Variants in DMBT1 observed in about 807,000 individuals in gnomAD.
DMBT1 encodes the protein deleted in malignant brain tumors 1.
A neutral mutation model predicts 252.9 loss-of-function variants in DMBT1; 198 were observed. That is an observed-to-expected ratio of 0.78 (90% CI 0.70 to 0.88). The LOEUF is 0.88. Ranked by LOEUF, DMBT1 falls within the 40% of genes least tolerant of loss-of-function variation. The probability of loss-of-function intolerance (pLI) is 0.00; values close to 1 mark genes in which losing one functional copy is unlikely to be tolerated. For missense variants in DMBT1, 2,432 were observed against 2,404.7 expected (o/e 1.01, Z -0.24); for synonymous variants, 990 against 942.7 (o/e 1.05, Z -0.92).
chr10:122,567,638 C>T (rs1034120607), intron 2 of DMBT1, among the ~76,000 whole-genome samples: 1 of 152,154 alleles, frequency 6.6e-6, no homozygotes, highest in Non-Finnish European at 1.5e-5. Context: ...GTGGGCTGCA[C>T]CCCTCAGGAC....
chr10:122,573,669 A>C (rs1377095073), intron 5 of DMBT1, 46 bp from the exon 6 acceptor site: 3 of 1,608,270 alleles, frequency 1.9e-6, no homozygotes, highest in Non-Finnish European at 1.7e-6. Context: ...AACCCTCCCC[A>C]AGCGAGGGCT....
chr10:122,618,139 G>A lies in DMBT1; in HGVS notation c.5014G>A (p.Ala1672Thr), dbSNP rs746236693. ...TGATGACTACTGGGACACCAATGAT[G>A]CCAACGTGGTCTGCAGGCAGCTGGG... ...VCDDYWDTND[A>T]NVVCRQLGCG... The change falls in exon 41 of 56, where the codon GCC (alanine) becomes ACC (threonine). Residue 1672 changes from alanine (A) to threonine (T), a missense_variant. Ala to Thr is a moderately conservative substitution (Grantham distance 58). Coordinates refer to ENST00000338354, the MANE Select transcript of DMBT1 (RefSeq NM_001377530.1). 3.1e-6 allele frequency: 5 copies of A among 1,613,842 alleles called. No homozygotes were observed. The African/African-American group carries it at 4.0e-5, about 13-fold the overall frequency.
At chr10:122,633,468 G>C in intron 52 of DMBT1, 127 bp downstream of exon 52, 1 of 1,464,250 alleles carries the variant, frequency 6.8e-7, no homozygotes, top group Middle Eastern at 2.4e-4. Context: ...GGAATAAATG[G>C]TGCTTAGAAA....
At chr10:122,593,753 A>C (rs1225986319) in intron 21 of DMBT1, among the ~76,000 whole-genome samples, 155 bp downstream of exon 21, 2 of 148,220 alleles carry the variant, frequency 1.3e-5, no homozygotes, top group African/African-American at 4.9e-5. Flanking sequence ...ACCCCAGCAC[A>C]GCGCTTTTTA....
intron 44 of DMBT1, among the ~76,000 whole-genome samples, chr10:122,625,003 G>A (rs2098106710): frequency 6.6e-6 from 1 of 152,182 alleles, no homozygotes; most frequent in South Asian, 2.1e-4. Context: ...AAATGTTGTT[G>A]GCGTCTTTGA....
intron 1 of DMBT1, among the ~76,000 whole-genome samples, chr10:122,564,692 A>G (rs1351305840): frequency 6.6e-6 from 1 of 152,084 alleles, no homozygotes; most frequent in African/African-American, 2.4e-5. Context: ...TCATGTGATG[A>G]AATCCCTATC....
intron 46 of DMBT1, among the ~76,000 whole-genome samples, chr10:122,628,119 G>A (rs940039789): frequency 6.6e-6 from 1 of 152,168 alleles, no homozygotes; most frequent in Non-Finnish European, 1.5e-5. Context: ...GTGGCTCCTC[G>A]AAAGGTTAGA....
chr10:122,598,070 T>C (rs1222687605), intron 25 of DMBT1, 58 bp downstream of exon 25: 21 of 1,611,282 alleles, frequency 1.3e-5, no homozygotes, highest in Non-Finnish European at 1.8e-5. Context: ...ACAAATGTTT[T>C]TTCTGAAAAT....
chr10:122,578,652 C>T, intron 8 of DMBT1, 66 bp from the exon 9 acceptor site: 1 of 1,400,416 alleles, frequency 7.1e-7, no homozygotes, highest in Non-Finnish European at 9.9e-7. Flanking sequence ...GTCCAGAGAA[C>T]CGCTTGTTTT....
rs374931158 is a variant in DMBT1 at position 122,618,211 on chromosome 10, G to A, written c.5086G>A (p.Gly1696Ser). Reference protein sequence around the residue: ...SAPGNAQFGQGSGPIVLDDVR... With the variant: ...SAPGNAQFGQSSGPIVLDDVR... ...CCCAGGAAATGCCCAGTTTGGCCAGGGCTCAGGACCCATTGTCCTGGATGA... is the reference window on the plus strand; with the variant it reads ...CCCAGGAAATGCCCAGTTTGGCCAGAGCTCAGGACCCATTGTCCTGGATGA... Residue 1696 changes from glycine to serine, a missense_variant, in exon 41 of 56, where the codon GGC (glycine) becomes AGC (serine). Transcript: ENST00000338354. 2.0e-4 allele frequency: 321 copies of A among 1,613,714 alleles called. No homozygotes were observed. The highest frequency in any genetic ancestry group is 2.4e-4 in the Non-Finnish European group (284 of 1,179,800).
chr10:122,639,946 A>G (rs1490813772), intron 54 of DMBT1, 94 bp from the exon 55 acceptor site: 3 of 1,430,614 alleles, frequency 2.1e-6, no homozygotes, highest in East Asian at 4.8e-5. Context: ...AGTCTTGTTG[A>G]GTCACGTCCC....
chr10:122,631,157 T>TGGCCCC lies in DMBT1; in HGVS notation c.6223_6228dup (p.Gly2075_Pro2076dup), dbSNP rs2098161921. The TGGCCCC allele has an allele frequency of 2.5e-6, 4 of 1,614,040 alleles. No individual in the cohort carries two copies. Among genetic ancestry groups the TGGCCCC allele is most frequent in the Non-Finnish European group, 3.4e-6 (4 of 1,179,902 alleles). On this transcript the variant is annotated inframe_insertion, in exon 49 of 56. Coordinates refer to ENST00000338354, the MANE Select transcript of DMBT1 (RefSeq NM_001377530.1). ...GAAATGCATATTTTGGCTCTGGCTCTGGCCCCATCACCCTGGACGATGTAG... is the reference window on the plus strand; with the variant it reads ...GAAATGCATATTTTGGCTCTGGCTCTGGCCCCGGCCCCATCACCCTGGACGATGTAG...
At position 122,617,347 on chromosome 10, in the gene DMBT1, G is replaced by A. The variant is rs114653747; in HGVS notation, c.4891+87G>A. The A allele has an allele frequency of 2.3e-3, 3,442 of 1,488,072 alleles. 195 individuals carry two copies. In the African/African-American group the frequency reaches 0.044, roughly 19 times the overall value. 92.2% of individuals were successfully genotyped at this position (1,488,072 alleles called of 1,614,324 possible). On this transcript the variant is annotated intron_variant, in intron 40 of 55. Transcript: ENST00000338354. ...ACTGATAGGATGAGGCTCAAGGTGG[G>A]CCCCTCTCTTTTCATGTCCCTGTGG...
chr10:122,597,851 A>G, intron 24 of DMBT1, 123 bp from the exon 25 acceptor site: 1 of 1,432,388 alleles, frequency 7.0e-7, no homozygotes, highest in Non-Finnish European at 9.8e-7. Context: ...ACACATGGGG[A>G]GCAAGTGGCA....
intron 40 of DMBT1, 120 bp downstream of exon 40, chr10:122,617,380 G>A (rs1184055141): frequency 1.6e-6 from 2 of 1,280,506 alleles, no homozygotes; most frequent in Admixed American, 3.7e-5. Context: ...TGGGTTGGGT[G>A]GGAGGAAGGT....
chr10:122,628,948 C>T (rs934946909), intron 46 of DMBT1, among the ~76,000 whole-genome samples: 1 of 151,888 alleles, frequency 6.6e-6, no homozygotes, highest in African/African-American at 2.4e-5. Flanking sequence ...ATGGACTTAT[C>T]CCCTTAGAAA....
chr10:122,632,683 G>A (rs908125200), intron 50 of DMBT1, among the ~76,000 whole-genome samples, 178 bp from the exon 51 acceptor site: 8 of 152,034 alleles, frequency 5.3e-5, no homozygotes, highest in African/African-American at 1.9e-4. Flanking sequence ...CCAGTGTGCT[G>A]GGATTCGCTC....
chr10:122,576,257 C>T, intron 6 of DMBT1, 142 bp from the exon 7 acceptor site: 2 of 1,263,858 alleles, frequency 1.6e-6, no homozygotes, highest in South Asian at 1.5e-5. Context: ...AGAACTCTAA[C>T]CTTAAGGCCT....
intron 51 of DMBT1, 112 bp from the exon 52 acceptor site, chr10:122,633,079 C>T: frequency 6.7e-7 from 1 of 1,500,082 alleles, no homozygotes; most frequent in Non-Finnish European, 8.9e-7. Flanking sequence ...TGGTTTCTGT[C>T]TTGGGAATTA....
Sources: allele counts gnomAD v4.1 joint callset (sites outside exome capture counted in the v4.1 genomes callset), GRCh38; gene constraint gnomAD v4.1.1; transcripts MANE v1.5; gene names NCBI Gene and HGNC (gene_info 2026-07-23, HGNC 2026-07-21).